Variants in ANGPT1 observed in about 807,000 individuals in gnomAD.
ANGPT1 encodes the protein angiopoietin 1, also known as angiopoietin-1.
ANGPT1 carries 17 observed loss-of-function variants against 62.2 expected under a neutral mutation model. The ratio of observed to expected loss-of-function variants is 0.27; its 90% CI spans 0.19 to 0.41. The LOEUF is 0.41. Ranked by LOEUF, ANGPT1 falls within the 10% of genes least tolerant of loss-of-function variation. The probability of loss-of-function intolerance (pLI) is 1.00; values close to 1 mark genes in which losing one functional copy is unlikely to be tolerated. For synonymous variants in ANGPT1, 199 were observed against 198.9 expected, an observed-to-expected ratio of 1.00 and a Z score of 0.00; for missense variants, 478 against 594.9, an observed-to-expected ratio of 0.80 and a Z score of 2.04.
At chr8:107,308,595 A>G (rs756359304) in intron 4 of ANGPT1, among the ~76,000 whole-genome samples, 4 of 152,182 alleles carry the variant, frequency 2.6e-5, no homozygotes, top group African/African-American at 7.2e-5. Flanking sequence ...CCTAGAAGAG[A>G]TAACAGTTGA....
Position 107,251,864 on chromosome 8 carries a change from T to G in ANGPT1, c.1488A>C (p.Leu496Phe). ...LRSTTMMIRP[L>F]DF The stretch of plus-strand genomic sequence containing the variant: ...TTCTGACATTGCGCTTTCAAAAATC[T>G]AAAGGTCGAATCATCATAGTTGTGG... Residue 496 changes from leucine to phenylalanine, a missense_variant, in exon 9 of 9, where the codon TTA becomes TTC. Leu to Phe is a conservative substitution (Grantham distance 22, BLOSUM62 0). Coordinates refer to ENST00000517746, the MANE Select transcript of ANGPT1 (RefSeq NM_001146.5). 1 of 1,613,860 alleles carries G rather than the reference T, an allele frequency of 6.2e-7. No homozygotes were observed. The highest frequency in any genetic ancestry group is 8.5e-7 in the Non-Finnish European group (1 of 1,179,794).
intron 3 of ANGPT1, among the ~76,000 whole-genome samples, chr8:107,330,551 A>T (rs1815397123): frequency 1.3e-5 from 2 of 152,152 alleles, no homozygotes; most frequent in African/African-American, 2.4e-5. Flanking sequence ...TTGAGAGGGA[A>T]TTAATAGAGG....
At chr8:107,406,143 T>A (rs1817144023) in intron 1 of ANGPT1, among the ~76,000 whole-genome samples, 1 of 151,880 alleles carries the variant, frequency 6.6e-6, no homozygotes, top group Non-Finnish European at 1.5e-5. Flanking sequence ...TATGAAAGAT[T>A]TTATCATATG....
intron 1 of ANGPT1, among the ~76,000 whole-genome samples, chr8:107,420,581 G>A (rs1298516442): frequency 6.6e-6 from 1 of 152,078 alleles, no homozygotes; most frequent in Non-Finnish European, 1.5e-5. Flanking sequence ...CAATCAGACG[G>A]AGAAGAACAG....
intron 1 of ANGPT1, among the ~76,000 whole-genome samples, chr8:107,409,403 A>G (rs1433191): frequency 0.31 from 47,100 of 152,004 alleles, 8,382 homozygotes; most frequent in East Asian, 0.58. Flanking sequence ...AGGTTCACCA[A>G]TGGGACTCAG....
At chr8:107,450,372 T>C (rs1245720996) in intron 1 of ANGPT1, among the ~76,000 whole-genome samples, 1 of 152,024 alleles carries the variant, frequency 6.6e-6, no homozygotes, top group African/African-American at 2.4e-5. Flanking sequence ...ATATGGTTCA[T>C]TTACATCTGT....
chr8:107,352,460 A>G (rs1256757296), intron 1 of ANGPT1, among the ~76,000 whole-genome samples: 1 of 152,136 alleles, frequency 6.6e-6, no homozygotes, highest in Non-Finnish European at 1.5e-5. Flanking sequence ...AACTGATGCT[A>G]TCATTCTCCA....
intron 5 of ANGPT1, among the ~76,000 whole-genome samples, chr8:107,299,646 T>C (rs1479789066): frequency 7.3e-6 from 1 of 137,564 alleles, no homozygotes; most frequent in Non-Finnish European, 1.5e-5. Flanking sequence ...TATATAGATA[T>C]AAATATCTAT....
At chr8:107,494,478 T>G (rs563870144) in intron 1 of ANGPT1, 1 of 152,272 alleles carries the variant, frequency 6.6e-6, no homozygotes, top group South Asian at 2.1e-4. Context: ...ACCCAGGTGT[T>G]TCACAAAATA....
At chr8:107,470,251 T>G (rs1022049789) in intron 1 of ANGPT1, among the ~76,000 whole-genome samples, 1 of 152,086 alleles carries the variant, frequency 6.6e-6, no homozygotes, top group Non-Finnish European at 1.5e-5. Context: ...AATATGTTTT[T>G]GAAAGAAAAA....
chr8:107,488,125 G>T (rs1018203686), intron 1 of ANGPT1, among the ~76,000 whole-genome samples: 1 of 152,096 alleles, frequency 6.6e-6, no homozygotes, highest in Non-Finnish European at 1.5e-5. Flanking sequence ...AAATATGGGT[G>T]GGCCTCAGTA....
At position 107,349,898 on chromosome 8, in the gene ANGPT1, G is replaced by A. The variant is rs568441135; in HGVS notation, c.298-2801C>T. On this transcript the variant is annotated intron_variant, in intron 1 of 8. Transcript: ENST00000517746. ...CTTTAAGGGCATGTACTGGGAAACT[G>A]TATATTTTATAAAGCTTCCCAGTGT... Among the ~76,000 whole-genome samples the A allele has an allele frequency of 6.6e-5, 10 of 152,206 alleles. No homozygotes were observed. In the East Asian group the frequency reaches 1.9e-3, roughly 29 times the overall value.
At chr8:107,309,812 G>T (rs1814806487) in intron 4 of ANGPT1, among the ~76,000 whole-genome samples, 1 of 152,070 alleles carries the variant, frequency 6.6e-6, no homozygotes, top group Non-Finnish European at 1.5e-5. Context: ...TACAAAAATG[G>T]CAATTGAATA....
intron 1 of ANGPT1, among the ~76,000 whole-genome samples, chr8:107,430,980 A>G (rs1586316370): frequency 6.6e-6 from 1 of 152,198 alleles, no homozygotes; most frequent in African/African-American, 2.4e-5. Flanking sequence ...AAAATTCTTG[A>G]GTTTCTAAGT....
At chr8:107,389,597 T>G (rs1227749830) in intron 1 of ANGPT1, among the ~76,000 whole-genome samples, 4 of 152,228 alleles carry the variant, frequency 2.6e-5, no homozygotes, top group South Asian at 2.1e-4. Context: ...ATTGGCTTGA[T>G]TTTCCTGAAC....
chr8:107,261,281 A>AT (rs1813484135), intron 8 of ANGPT1, among the ~76,000 whole-genome samples: 1 of 151,682 alleles, frequency 6.6e-6, no homozygotes, highest in African/African-American at 2.4e-5. Context: ...ATTTAAAAAA[A>AT]AATATTAGAT....
intron 1 of ANGPT1, among the ~76,000 whole-genome samples, chr8:107,440,770 A>T (rs1431235699): frequency 6.6e-6 from 1 of 152,216 alleles, no homozygotes; most frequent in Non-Finnish European, 1.5e-5. Context: ...ACTTTAGCAG[A>T]AGTAAGTCAG....
chr8:107,449,386 T>TCACACA (rs1406677165), intron 1 of ANGPT1, among the ~76,000 whole-genome samples: 1 of 109,956 alleles, frequency 9.1e-6, no homozygotes, highest in South Asian at 2.8e-4. Context: ...ACCCACACAC[T>TCACACA]CACACACACA....
chr8:107,397,112 T>C (rs1413664648), intron 1 of ANGPT1, among the ~76,000 whole-genome samples: 2 of 152,166 alleles, frequency 1.3e-5, no homozygotes, highest in African/African-American at 4.8e-5. Flanking sequence ...TTGCTTTCAA[T>C]TTCTTCAGTA....
Sources: allele counts gnomAD v4.1 joint callset (sites outside exome capture counted in the v4.1 genomes callset), GRCh38; gene constraint gnomAD v4.1.1; transcripts MANE v1.5; gene names NCBI Gene and HGNC (gene_info 2026-07-23, HGNC 2026-07-21).